Variants in PTPRD observed in about 807,000 individuals in gnomAD.
PTPRD encodes the protein receptor-type tyrosine-protein phosphatase delta.
PTPRD carries 34 observed loss-of-function variants against 214.5 expected under a neutral mutation model. The observed-to-expected ratio is 0.16, with a 90% CI of 0.12 to 0.21. The LOEUF (loss-of-function observed/expected upper bound fraction) is 0.21. PTPRD is among the 10% of genes least tolerant of loss of function. The pLI is 1.00. For synonymous variants in PTPRD, 1,128 were observed against 845.7 expected (o/e 1.33, Z -5.79); for missense variants, 2,545 against 2,398.7 (o/e 1.06, Z -1.27).
chr9:9,273,614 A>C (rs1213409049), intron 9 of PTPRD, among the ~76,000 whole-genome samples: 4 of 151,346 alleles, frequency 2.6e-5, no homozygotes, highest in African/African-American at 9.7e-5. Flanking sequence ...AGAAGTCTTC[A>C]AAATGTATAG....
chr9:8,757,843 A>G (rs1442867092), intron 11 of PTPRD, among the ~76,000 whole-genome samples: 1 of 152,094 alleles, frequency 6.6e-6, no homozygotes, highest in Non-Finnish European at 1.5e-5. Context: ...TATAATCCCA[A>G]TTTTGACCTG....
chr9:9,490,894 A>G (rs918871594), intron 8 of PTPRD, among the ~76,000 whole-genome samples: 1 of 108,806 alleles, frequency 9.2e-6, no homozygotes, highest in Non-Finnish European at 1.8e-5. Flanking sequence ...ATAAATATAA[A>G]TGAACGAATT....
chr9:8,914,240 A>C (rs948066827), intron 11 of PTPRD, among the ~76,000 whole-genome samples: 3 of 152,154 alleles, frequency 2.0e-5, no homozygotes, highest in African/African-American at 7.2e-5. Flanking sequence ...TTATTCTTTA[A>C]TTTTAAAATA....
chr9:9,873,873 G>C (rs1439285521), intron 5 of PTPRD, among the ~76,000 whole-genome samples: 1 of 152,084 alleles, frequency 6.6e-6, no homozygotes, highest in Admixed American at 6.6e-5. Context: ...CTTGAACTTG[G>C]TAAATCATTT....
intron 11 of PTPRD, among the ~76,000 whole-genome samples, chr9:9,002,198 G>A (rs551245321): frequency 6.6e-6 from 1 of 151,816 alleles, no homozygotes; most frequent in Admixed American, 6.6e-5. Flanking sequence ...GAAATGGTAA[G>A]GTAAAGAGAG....
intron 10 of PTPRD, among the ~76,000 whole-genome samples, chr9:9,059,199 T>G (rs1488340843): frequency 1.3e-5 from 2 of 152,118 alleles, no homozygotes; most frequent in Non-Finnish European, 2.9e-5. Flanking sequence ...GTCAATACAT[T>G]TTCCGTTAGG....
At chr9:8,635,245 G>T (rs2096393901) in intron 13 of PTPRD, among the ~76,000 whole-genome samples, 1 of 151,310 alleles carries the variant, frequency 6.6e-6, no homozygotes, top group South Asian at 2.1e-4. Context: ...GAAATATTTA[G>T]TAGTATAATT....
intron 44 of PTPRD, among the ~76,000 whole-genome samples, chr9:8,330,857 A>ATAAAAAGAT (rs1839831783): frequency 6.7e-6 from 1 of 149,690 alleles, no homozygotes; most frequent in African/African-American, 2.6e-5. Context: ...GAGTTTCACC[A>ATAAAAAGAT]TAAAAAGATT....
intron 11 of PTPRD, among the ~76,000 whole-genome samples, chr9:8,816,432 T>A (rs2096919864): frequency 6.6e-6 from 1 of 152,200 alleles, no homozygotes; most frequent in Non-Finnish European, 1.5e-5. Flanking sequence ...AAGTTGACCC[T>A]GAAAGTGATC....
intron 3 of PTPRD, among the ~76,000 whole-genome samples, chr9:10,328,663 A>G (rs16925833): frequency 0.03 from 4,561 of 151,902 alleles, 234 homozygotes; most frequent in African/African-American, 0.1. Flanking sequence ...ATATTTGATT[A>G]TACGTTACAT....
intron 7 of PTPRD, among the ~76,000 whole-genome samples, chr9:9,720,536 T>C (rs2097916992): frequency 6.6e-6 from 1 of 152,190 alleles, no homozygotes; most frequent in Admixed American, 6.5e-5. Flanking sequence ...ATAGAATGAC[T>C]GTGTGTTGCT....
At chr9:10,363,754 T>C (rs1225710469) in intron 2 of PTPRD, among the ~76,000 whole-genome samples, 4 of 152,048 alleles carry the variant, frequency 2.6e-5, no homozygotes, top group African/African-American at 4.8e-5. Flanking sequence ...CAATAAAATG[T>C]GACCCCTTAT....
At position 10,050,559 on chromosome 9, in the gene PTPRD, C is replaced by CAAAA. The variant is rs1164243746; in HGVS notation, c.-544-16773_-544-16770dup. On this transcript the variant is annotated intron_variant, in intron 3 of 45. Coordinates refer to ENST00000381196, the MANE Select transcript of PTPRD (RefSeq NM_002839.4). ...TGGGCAATAAAGAGAGAGTCTGTCT[C>CAAAA]AAAAAAAAAAAAAAAAAAAAAAAAA... Among the ~76,000 whole-genome samples, 77 of 14,016 alleles carry CAAAA rather than the reference C, an allele frequency of 5.5e-3. 6 individuals are homozygous for CAAAA. The highest frequency in any genetic ancestry group is 6.9e-3 in the African/African-American group (36 of 5,236). The allele number at this position is 14,016 out of a possible 152,430, so 9.2% of individuals were successfully genotyped here. A position where few individuals can be genotyped will look rare whatever the true frequency, so the allele number is the denominator to read the frequency against.
chr9:8,903,107 G>A (rs557481822), intron 11 of PTPRD, among the ~76,000 whole-genome samples: 2 of 151,486 alleles, frequency 1.3e-5, no homozygotes, highest in South Asian at 4.2e-4. Flanking sequence ...CTTGCTTAAG[G>A]CCACGTAATA....
intron 10 of PTPRD, among the ~76,000 whole-genome samples, chr9:9,112,063 C>T (rs185129686): frequency 6.6e-6 from 1 of 152,282 alleles, no homozygotes; most frequent in East Asian, 1.9e-4. Flanking sequence ...TCTGCTTTTA[C>T]TGCTGCCCCA....
intron 11 of PTPRD, among the ~76,000 whole-genome samples, chr9:8,817,886 A>G (rs1241247055): frequency 6.6e-6 from 1 of 152,186 alleles, no homozygotes; most frequent in Non-Finnish European, 1.5e-5. Flanking sequence ...GGTTGGAAAT[A>G]ATAACCAAGA....
chr9:9,765,712 G>A (rs914096334), intron 6 of PTPRD, among the ~76,000 whole-genome samples: 1 of 152,176 alleles, frequency 6.6e-6, no homozygotes, highest in Admixed American at 6.5e-5. Flanking sequence ...CCAGGCTGGA[G>A]TGCAGTGGCA....
At chr9:10,153,857 G>A (rs1476543906) in intron 3 of PTPRD, among the ~76,000 whole-genome samples, 2 of 151,936 alleles carry the variant, frequency 1.3e-5, no homozygotes, top group Admixed American at 6.6e-5. Flanking sequence ...GGTATATATT[G>A]TACCACATTT....
intron 7 of PTPRD, among the ~76,000 whole-genome samples, chr9:9,723,790 T>C (rs866084276): frequency 6.6e-6 from 1 of 152,126 alleles, no homozygotes; most frequent in Admixed American, 6.6e-5. Flanking sequence ...AGAAGTGTTT[T>C]CCTATTTTCA....
Sources: allele counts gnomAD v4.1 joint callset (sites outside exome capture counted in the v4.1 genomes callset), GRCh38; gene constraint gnomAD v4.1.1; transcripts MANE v1.5; gene names NCBI Gene and HGNC (gene_info 2026-07-23, HGNC 2026-07-21).